Variants in MED13L observed in about 807,000 individuals in gnomAD.
The protein encoded by MED13L is mediator of RNA polymerase II transcription subunit 13-like.
A neutral mutation model predicts 220.9 loss-of-function variants in MED13L; 7 were observed. The ratio of observed to expected loss-of-function variants is 0.03; its 90% CI spans 0.02 to 0.06. The LOEUF is 0.06. Ranked by LOEUF, MED13L falls within the 10% of genes least tolerant of loss-of-function variation. MED13L has a pLI of 1.00. For synonymous variants in MED13L, 1,011 were observed against 1,015.2 expected, an observed-to-expected ratio of 1.00 and a Z score of 0.08; for missense variants, 1,965 against 2,760.5, an observed-to-expected ratio of 0.71 and a Z score of 6.46.
At chr12:115,987,840 G>A (rs563161573) in intron 17 of MED13L, among the ~76,000 whole-genome samples, 1 of 152,346 alleles carries the variant, frequency 6.6e-6, no homozygotes, top group South Asian at 2.1e-4. Context: ...AAGGACCGAA[G>A]TCCGCTGCAG....
chr12:116,237,205 A>C (rs1870161553), intron 2 of MED13L, among the ~76,000 whole-genome samples: 1 of 152,076 alleles, frequency 6.6e-6, no homozygotes, highest in African/African-American at 2.4e-5. Context: ...TTTCCACCCC[A>C]CCGCACCCAG....
At chr12:116,097,897 C>T (rs1303466212) in intron 3 of MED13L, among the ~76,000 whole-genome samples, 2 of 152,174 alleles carry the variant, frequency 1.3e-5, no homozygotes, top group East Asian at 1.9e-4. Context: ...ATCTTAACTG[C>T]CACCTGGCCA....
At chr12:116,156,675 G>C (rs11067925) in intron 2 of MED13L, among the ~76,000 whole-genome samples, 1 of 152,192 alleles carries the variant, frequency 6.6e-6, no homozygotes, top group Non-Finnish European at 1.5e-5. Flanking sequence ...TTTAAGCTCA[G>C]AGTTCTCAAA....
At chr12:116,114,017 C>T (rs147581772) in intron 2 of MED13L, among the ~76,000 whole-genome samples, 47 of 152,286 alleles carry the variant, frequency 3.1e-4, no homozygotes, top group African/African-American at 1.1e-3. Context: ...AATCCCACTC[C>T]TAAATACTTC....
At chr12:116,102,710 CTTTTTTTTTTTTTTTTTTTTT>C (rs869201518) in intron 3 of MED13L, among the ~76,000 whole-genome samples, 5 of 68,676 alleles carry the variant, frequency 7.3e-5, no homozygotes, top group African/African-American at 2.9e-4. Context: ...TTTCTTTTTT[CTTTTTTTTTTTTTTTTTTTTT>C]TTTTTTTTGA....
intron 4 of MED13L, among the ~76,000 whole-genome samples, chr12:116,054,357 C>A (rs567789183): frequency 6.6e-6 from 1 of 152,082 alleles, no homozygotes; most frequent in East Asian, 1.9e-4. Context: ...ATGTGTAATA[C>A]CTTGATTAAA....
Position 116,244,384 on chromosome 12 carries a change from T to C in MED13L, c.73-6679A>G, listed in dbSNP as rs569124194. On this transcript the variant is annotated intron_variant, in intron 1 of 30. Transcript: ENST00000281928. ...CCCTGTAAGACATCAAGAAAAACATTTGTTTCATTGTTTTATTTCATTAAA... is the reference window on the plus strand; with the variant it reads ...CCCTGTAAGACATCAAGAAAAACATCTGTTTCATTGTTTTATTTCATTAAA... 3.3e-5 allele frequency among the ~76,000 whole-genome samples: 5 copies of C among 152,264 alleles called. No homozygotes were observed. The East Asian group carries it at 9.6e-4, about 29-fold the overall frequency.
At chr12:116,200,457 G>A (rs1881940189) in intron 2 of MED13L, among the ~76,000 whole-genome samples, 2 of 152,152 alleles carry the variant, frequency 1.3e-5, no homozygotes. Context: ...AAAAACAGGT[G>A]AGAAAAATAA....
intron 1 of MED13L, among the ~76,000 whole-genome samples, chr12:116,264,681 C>G (rs1339728890): frequency 6.6e-6 from 1 of 152,142 alleles, no homozygotes; most frequent in South Asian, 2.1e-4. Flanking sequence ...TCCAGCCAGG[C>G]TTGTTTTATC....
At chr12:116,079,738 T>C (rs1472331704) in intron 4 of MED13L, among the ~76,000 whole-genome samples, 2 of 152,100 alleles carry the variant, frequency 1.3e-5, no homozygotes, top group African/African-American at 4.8e-5. Context: ...GGTTTTACCA[T>C]GTTGCCTAGG....
chr12:116,111,900 A>G (rs1032961397), intron 2 of MED13L, among the ~76,000 whole-genome samples: 1 of 152,220 alleles, frequency 6.6e-6, no homozygotes, highest in African/African-American at 2.4e-5. Flanking sequence ...TTAATAGCAA[A>G]GTTATAAAAT....
chr12:115,986,215 C>CA (rs1324297170), intron 19 of MED13L, 51 bp downstream of exon 19: 1 of 1,515,384 alleles, frequency 6.6e-7, no homozygotes, highest in Admixed American at 1.7e-5. Context: ...TCACTATAAA[C>CA]AATCAGAGGA....
At chr12:116,151,816 T>C (rs1363388794) in intron 2 of MED13L, among the ~76,000 whole-genome samples, 1 of 152,158 alleles carries the variant, frequency 6.6e-6, no homozygotes, top group African/African-American at 2.4e-5. Flanking sequence ...CTTTTAGAAA[T>C]ACATTTCCTA....
chr12:116,023,098 C>G (rs573544022), intron 4 of MED13L, among the ~76,000 whole-genome samples: 6 of 152,224 alleles, frequency 3.9e-5, no homozygotes, highest in African/African-American at 1.2e-4. Context: ...AATTCAAAAC[C>G]AGCCTGGGCA....
chr12:116,047,510 CCAA>C (rs1881912261), intron 4 of MED13L, among the ~76,000 whole-genome samples: 1 of 152,110 alleles, frequency 6.6e-6, no homozygotes, highest in Non-Finnish European at 1.5e-5. Flanking sequence ...CTACATGATT[CCAA>C]GTGACATGTT....
chr12:116,108,865 G>A (rs941564926), intron 3 of MED13L, among the ~76,000 whole-genome samples: 1 of 151,928 alleles, frequency 6.6e-6, no homozygotes, highest in Non-Finnish European at 1.5e-5. Context: ...CAGTATGTGA[G>A]GCATTATGTG....
chr12:116,130,864 A>C (rs147893687), intron 2 of MED13L, among the ~76,000 whole-genome samples: 1 of 147,036 alleles, frequency 6.8e-6, no homozygotes, highest in East Asian at 2.1e-4. Context: ...AAAAAAAAAA[A>C]CCTTAAAACT....
chr12:116,088,166 C>G (rs539421279), intron 4 of MED13L, among the ~76,000 whole-genome samples: 18 of 152,244 alleles, frequency 1.2e-4, no homozygotes, highest in Admixed American at 1.3e-4. Context: ...CCTCCACCCC[C>G]CTTTTTAAAC....
chr12:116,273,881 C>T (rs1873598837), intron 1 of MED13L, among the ~76,000 whole-genome samples: 1 of 152,206 alleles, frequency 6.6e-6, no homozygotes, highest in African/African-American at 2.4e-5. Context: ...GAAATTATGT[C>T]TTCTCACAAG....
Sources: allele counts gnomAD v4.1 joint callset (sites outside exome capture counted in the v4.1 genomes callset), GRCh38; gene constraint gnomAD v4.1.1; transcripts MANE v1.5; gene names NCBI Gene and HGNC (gene_info 2026-07-23, HGNC 2026-07-21).